The following OR10R2 variants were observed in gnomAD, a reference collection of about 807,000 sequenced individuals.
The protein encoded by OR10R2 is olfactory receptor family 10 subfamily R member 2.
OR10R2 carries 1 observed loss-of-function variant against 2.4 expected under a neutral mutation model. The observed-to-expected ratio is 0.41, with a 90% confidence interval of 0.15 to 1.95. The LOEUF (loss-of-function observed/expected upper bound fraction) is 1.95, where lower values mean the gene tolerates loss of function less well. OR10R2 is among the 30% of genes most tolerant of loss of function. The pLI is 0.30. For missense variants in OR10R2, 419 were observed against 373.0 expected, an observed-to-expected ratio of 1.12 and a Z score of -1.01; for synonymous variants, 166 against 144.8, an observed-to-expected ratio of 1.15 and a Z score of -1.05.
At chr1:158,480,301 C>G in exon 2 of OR10R2, 1 of 1,614,072 alleles carries the variant, frequency 6.2e-7, no homozygotes, top group South Asian at 1.1e-5. Context: ...GGGTTATGAT[C>G]GCTATGCTGC....
chr1:158,474,216 G>T (rs1313557605), intron 1 of OR10R2, among the ~76,000 whole-genome samples: 1 of 151,938 alleles, frequency 6.6e-6, no homozygotes, highest in East Asian at 1.9e-4. Context: ...TCTTCTCCTA[G>T]CTGTTCTCTG....
At chr1:158,480,204 C>T in exon 2 of OR10R2, 1 of 1,614,024 alleles carries the variant, frequency 6.2e-7, no homozygotes, top group East Asian at 2.2e-5. Context: ...TTTCTGTGGC[C>T]AGGACAATCT....
chr1:158,474,384 C>T (rs1656232404), intron 1 of OR10R2: 1 of 152,172 alleles, frequency 6.6e-6, no homozygotes, highest in Non-Finnish European at 1.5e-5. Flanking sequence ...TAGCTTCCTA[C>T]TTTGAATAAA....
chr1:158,472,381 T>A, intron 1 of OR10R2, 29 bp downstream of exon 1: 1 of 398,962 alleles, frequency 2.5e-6, no homozygotes, highest in East Asian at 3.6e-5. Flanking sequence ...TCTTGAAAAA[T>A]TTTAAGAGAC....
At chr1:158,474,094 C>T (rs1421640673) in intron 1 of OR10R2, among the ~76,000 whole-genome samples, 1 of 151,562 alleles carries the variant, frequency 6.6e-6, no homozygotes, top group Non-Finnish European at 1.5e-5. Context: ...TTATAGGGTT[C>T]TGAGTAAGAA....
intron 1 of OR10R2, among the ~76,000 whole-genome samples, chr1:158,472,648 C>G (rs1016657692): frequency 9.9e-5 from 15 of 152,094 alleles, no homozygotes; most frequent in Non-Finnish European, 2.9e-5. Flanking sequence ...CTAGTTATGC[C>G]TTTTATCTTA....
exon 2 of OR10R2, chr1:158,480,899 T>A: frequency 8.7e-7 from 1 of 1,145,690 alleles, no homozygotes; most frequent in Non-Finnish European, 1.2e-6. Flanking sequence ...ATTATTACAT[T>A]TTAGATTTCT....
At chr1:158,478,163 G>T (rs997795466) in intron 1 of OR10R2, among the ~76,000 whole-genome samples, 3 of 152,126 alleles carry the variant, frequency 2.0e-5, no homozygotes, top group African/African-American at 7.2e-5. Context: ...ACTCAAAGTG[G>T]ATTAAAAATT....
At chr1:158,478,927 C>A (rs1363078544) in intron 1 of OR10R2, among the ~76,000 whole-genome samples, 1 of 152,100 alleles carries the variant, frequency 6.6e-6, no homozygotes, top group Admixed American at 6.5e-5. Flanking sequence ...TATCTCCCAA[C>A]CCTCTGTTCA....
intron 1 of OR10R2, among the ~76,000 whole-genome samples, chr1:158,473,422 G>C (rs113611870): frequency 1.3e-5 from 2 of 152,276 alleles, no homozygotes; most frequent in African/African-American, 4.8e-5. Flanking sequence ...TTTGTTCACT[G>C]TTGTATCTCA....
chr1:158,472,851 C>G (rs1480450099), intron 1 of OR10R2, among the ~76,000 whole-genome samples: 1 of 151,998 alleles, frequency 6.6e-6, no homozygotes, highest in African/African-American at 2.4e-5. Flanking sequence ...ATCCCTGGCA[C>G]CAGTCTTAAG....
At chr1:158,475,605 G>A (rs551092896) in intron 1 of OR10R2, among the ~76,000 whole-genome samples, 2 of 151,298 alleles carry the variant, frequency 1.3e-5, no homozygotes. Flanking sequence ...TTCTCCATCG[G>A]CTTGTAATAC....
intron 1 of OR10R2, among the ~76,000 whole-genome samples, chr1:158,476,103 T>A (rs887533295): frequency 3.3e-5 from 5 of 152,234 alleles, no homozygotes; most frequent in African/African-American, 9.6e-5. Context: ...TATTTTACAT[T>A]ATATTTTCCC....
At chr1:158,480,102 C>G (rs189293282) in exon 2 of OR10R2, 66 of 1,613,674 alleles carry the variant, frequency 4.1e-5, no homozygotes, top group Admixed American at 2.3e-4. Flanking sequence ...ATAAAAGCCT[C>G]CACACACCAA....
At chr1:158,480,180 G>T in exon 2 of OR10R2, 1 of 1,614,024 alleles carries the variant, frequency 6.2e-7, no homozygotes, top group African/African-American at 1.3e-5. Context: ...TACCCAAGAT[G>T]CTCATCAATC....
At chr1:158,475,002 G>A (rs972247589) in intron 1 of OR10R2, among the ~76,000 whole-genome samples, 1 of 151,942 alleles carries the variant, frequency 6.6e-6, no homozygotes, top group African/African-American at 2.4e-5. Context: ...TATGTAGCAG[G>A]TGTTGTTCTC....
intron 1 of OR10R2, among the ~76,000 whole-genome samples, chr1:158,475,353 C>T (rs910519703): frequency 6.6e-6 from 1 of 151,866 alleles, no homozygotes; most frequent in Admixed American, 6.6e-5. Flanking sequence ...ATATAGTTTG[C>T]TAAATTTCTT....
chr1:158,480,905 T>C (rs1403821369), exon 2 of OR10R2: 3 of 1,122,952 alleles, frequency 2.7e-6, no homozygotes, highest in Admixed American at 5.1e-5. Flanking sequence ...ACATTTTAGA[T>C]TTCTTAATAA....
chr1:158,480,707 TC>T lies in OR10R2; in HGVS notation c.798del (p.Phe266LeufsTer4). On this transcript the variant is annotated frameshift_variant, in exon 2 of 2. Transcript: ENST00000641067. LOFTEE classifies it low-confidence loss of function (END_TRUNC). ...ATTGTTCATTATGGCTGTGCTTCCTTCATCTACCTGAGGCCTACAGCAAACT... is the reference window on the plus strand; with the variant it reads ...ATTGTTCATTATGGCTGTGCTTCCTTATCTACCTGAGGCCTACAGCAAACT... The T allele has an allele frequency of 9.9e-6, 16 of 1,613,332 alleles. No homozygotes were observed. The highest frequency in any genetic ancestry group is 1.4e-5 in the Non-Finnish European group (16 of 1,179,422).
Sources: allele counts gnomAD v4.1 joint callset (sites outside exome capture counted in the v4.1 genomes callset), GRCh38; gene constraint gnomAD v4.1.1; transcripts MANE v1.5; gene names NCBI Gene and HGNC (gene_info 2026-07-23, HGNC 2026-07-21).